The following PKHD1L1 variants were observed in gnomAD, a reference collection of about 807,000 sequenced individuals.
PKHD1L1 encodes fibrocystin-L.
Under a neutral mutation model 462.9 loss-of-function variants are expected in PKHD1L1, and 434 were observed. The observed-to-expected ratio is 0.94, with a 90% CI of 0.87 to 1.02. The LOEUF is 1.02. Ranked by LOEUF, PKHD1L1 falls within the 50% of genes least tolerant of loss-of-function variation. PKHD1L1 has a pLI of 0.00. For synonymous variants in PKHD1L1, 1,781 were observed against 1,750.0 expected, an observed-to-expected ratio of 1.02 and a Z score of -0.44; for missense variants, 5,202 against 5,096.1, an observed-to-expected ratio of 1.02 and a Z score of -0.63.
chr8:109,508,532 A>G (rs1819815538), intron 70 of PKHD1L1, among the ~76,000 whole-genome samples: 1 of 152,088 alleles, frequency 6.6e-6, no homozygotes, highest in African/African-American at 2.4e-5. Context: ...GAAGTAGGGG[A>G]AAAGTTATTT....
In PKHD1L1 at chr8:109,385,746, T is replaced by A. The variant is rs11987766; in HGVS notation, c.569+116T>A. ...TACAATGTAATATAACTAACCAGTG[T>A]TTTTTTTTTCAGCCATATTATAGAA... On this transcript the variant is annotated intron_variant, in intron 6 of 77. Coordinates refer to ENST00000378402, the MANE Select transcript of PKHD1L1 (RefSeq NM_177531.6). 2,257 of 548,996 alleles carry A rather than the reference T, an allele frequency of 4.1e-3. 54 individuals carry two copies. Among genetic ancestry groups the A allele is most frequent in the African/African-American group, 0.041 (2,040 of 49,770 alleles). The allele number at this position is 548,996 out of a possible 1,614,324, so 34.0% of individuals were successfully genotyped here. A position where few individuals can be genotyped will look rare whatever the true frequency, so the allele number is the denominator to read the frequency against.
At chr8:109,409,793 A>C in intron 18 of PKHD1L1, 72 bp from the exon 19 acceptor site, 3 of 682,312 alleles carry the variant, frequency 4.4e-6, no homozygotes, top group South Asian at 3.0e-5. Flanking sequence ...AATTAGTAGA[A>C]TCAGTAGTAG....
rs1817995595 is a variant in PKHD1L1 at position 109,476,530 on chromosome 8, C to T, written c.8780C>T (p.Ser2927Leu). 6.7e-6 allele frequency: 10 copies of T among 1,497,128 alleles called. No homozygotes were observed. Among genetic ancestry groups the T allele is most frequent in the African/African-American group, 2.8e-5 (2 of 71,916 alleles). 92.7% of individuals were successfully genotyped at this position (1,497,128 alleles called of 1,614,324 possible). ...GFKEEDYVIISHNFTQNPDMF... is the reference protein window; with the variant it reads ...GFKEEDYVIILHNFTQNPDMF... ...TAGGAAGAAGACTATGTAATTATAT[C>T]ACATAACTTCACTCAAAATCCTGAC... is the stretch of plus-strand genomic sequence containing the variant. The change falls in exon 52 of 78, where the codon TCA becomes TTA. Residue 2927 changes from serine to leucine, a missense_variant. Around this residue, in one of 3 missense-constraint regions of PKHD1L1, gnomAD observed 4,497 missense variants for 4,336.8 expected, o/e 1.04. Transcript: ENST00000378402.
In PKHD1L1 at chr8:109,475,157, A is replaced by G; in HGVS notation, c.8645A>G (p.His2882Arg). 3 of 1,612,126 alleles carry G rather than the reference A, an allele frequency of 1.9e-6. No individual in the cohort carries two copies. Among genetic ancestry groups the G allele is most frequent in the East Asian group, 2.2e-5 (1 of 44,730 alleles). Residue 2882 changes from histidine to arginine, a missense_variant, in exon 51 of 78, where the codon CAT (histidine) becomes CGT (arginine). Physicochemically the swap from His to Arg is conservative, Grantham distance 29. Coordinates refer to ENST00000378402, the MANE Select transcript of PKHD1L1 (RefSeq NM_177531.6). ...IIPFQKKRLT[H>R]MSGWMALIPN... ...CCATTTCAGAAGAAACGACTGACTC[A>G]TATGTCTGGATGGATGGCTCTGATT... is the stretch of plus-strand genomic sequence containing the variant.
chr8:109,418,560 T>C (rs1186491921), intron 21 of PKHD1L1, among the ~76,000 whole-genome samples: 2 of 152,230 alleles, frequency 1.3e-5, no homozygotes, highest in African/African-American at 2.4e-5. Flanking sequence ...AAAATCTGAA[T>C]CTGAGTTATA....
intron 2 of PKHD1L1, among the ~76,000 whole-genome samples, chr8:109,379,372 G>A (rs1346766567): frequency 6.6e-6 from 1 of 152,102 alleles, no homozygotes; most frequent in Non-Finnish European, 1.5e-5. Context: ...ATAAAATATT[G>A]CTTCAGAACA....
At chr8:109,369,216 TA>T (rs5893955) in intron 2 of PKHD1L1, among the ~76,000 whole-genome samples, 84,671 of 151,852 alleles carry the variant, frequency 0.56, 23,715 homozygotes, top group South Asian at 0.64. Flanking sequence ...CTTCAGGTGA[TA>T]ACACCAGTCT....
At chr8:109,429,833 G>T in intron 26 of PKHD1L1, 99 bp from the exon 27 acceptor site, 1 of 828,802 alleles carries the variant, frequency 1.2e-6, no homozygotes, top group Non-Finnish European at 2.0e-6. Flanking sequence ...CAGTAAATTA[G>T]CAAACCAACA....
chr8:109,417,223 T>A (rs1840908), intron 21 of PKHD1L1, among the ~76,000 whole-genome samples: 1 of 151,830 alleles, frequency 6.6e-6, no homozygotes, highest in African/African-American at 2.4e-5. Context: ...ATAACACAAA[T>A]GATAAAGGCT....
At chr8:109,462,201 C>T (rs1408929196) in intron 48 of PKHD1L1, among the ~76,000 whole-genome samples, 1 of 152,160 alleles carries the variant, frequency 6.6e-6, no homozygotes. Flanking sequence ...GAGCCACTAT[C>T]TCCTCCCACC....
chr8:109,433,503 A>C (rs1189734826), intron 28 of PKHD1L1, among the ~76,000 whole-genome samples: 1 of 151,972 alleles, frequency 6.6e-6, no homozygotes, highest in Non-Finnish European at 1.5e-5. Flanking sequence ...TCTTTCTTGC[A>C]TCGGTGTGTC....
At chr8:109,510,679 G>T in intron 70 of PKHD1L1, 98 bp from the exon 71 acceptor site, 1 of 1,406,392 alleles carries the variant, frequency 7.1e-7, no homozygotes, top group South Asian at 1.5e-5. Flanking sequence ...ATTTGAACTT[G>T]ACCACTGCAA....
intron 63 of PKHD1L1, among the ~76,000 whole-genome samples, chr8:109,494,305 A>G (rs895855444): frequency 6.6e-6 from 1 of 151,728 alleles, no homozygotes; most frequent in Non-Finnish European, 1.5e-5. Flanking sequence ...GGACAAAACA[A>G]TATAATCTCT....
intron 17 of PKHD1L1, among the ~76,000 whole-genome samples, chr8:109,406,957 A>T (rs1813585129): frequency 6.6e-6 from 1 of 152,070 alleles, no homozygotes; most frequent in Non-Finnish European, 1.5e-5. Context: ...AAAAAAATCA[A>T]TTTACCTGTG....
intron 50 of PKHD1L1, among the ~76,000 whole-genome samples, chr8:109,469,951 A>T (rs984695265): frequency 3.9e-5 from 6 of 152,202 alleles, no homozygotes; most frequent in African/African-American, 1.4e-4. Flanking sequence ...ATTTCCCATT[A>T]CTGTATCATA....
intron 62 of PKHD1L1, 129 bp from the exon 63 acceptor site, chr8:109,493,532 C>T (rs1818933374): frequency 6.2e-6 from 3 of 481,726 alleles, no homozygotes; most frequent in Middle Eastern, 3.5e-4. Flanking sequence ...ATAATAAATA[C>T]AAATTTTCCT....
rs190123685 is a variant in PKHD1L1, at chr8:109,532,072, G to A, written c.*1982G>A. Among the ~76,000 whole-genome samples the A allele has an allele frequency of 2.9e-4, 44 of 152,314 alleles. No individual in the cohort carries two copies. Among genetic ancestry groups the A allele is most frequent in the African/African-American group, 1.1e-3 (44 of 41,558 alleles). ...AAAATATTCTTCACACCAGAACATT[G>A]TAAAAGCCATAAAATTGTCCACCAT... On this transcript the variant is annotated 3_prime_UTR_variant, in exon 78 of 78. Transcript: ENST00000378402.
At chr8:109,374,283 G>A (rs1258984225) in intron 2 of PKHD1L1, among the ~76,000 whole-genome samples, 2 of 152,108 alleles carry the variant, frequency 1.3e-5, no homozygotes, top group Non-Finnish European at 2.9e-5. Flanking sequence ...TTTGATCTTT[G>A]TTGGTTTAAA....
chr8:109,407,836 T>C (rs1473806426), intron 17 of PKHD1L1, among the ~76,000 whole-genome samples: 1 of 152,172 alleles, frequency 6.6e-6, no homozygotes, highest in Admixed American at 6.6e-5. Flanking sequence ...TATAGCACTT[T>C]GTCTGCTTTG....
Sources: allele counts gnomAD v4.1 joint callset (sites outside exome capture counted in the v4.1 genomes callset), GRCh38; gene constraint gnomAD v4.1.1; regional missense constraint gnomAD v4.1.1; transcripts MANE v1.5; gene names NCBI Gene and HGNC (gene_info 2026-07-23, HGNC 2026-07-21).